PPP1R12B: variants seen among roughly 807,000 people sequenced by gnomAD.
PPP1R12B encodes myosin phosphatase target subunit 2.
A neutral mutation model predicts 126.1 loss-of-function variants in PPP1R12B; 76 were observed. The observed-to-expected ratio is 0.60, with a 90% confidence interval of 0.50 to 0.73. The LOEUF is 0.73. Ranked by LOEUF, PPP1R12B falls within the 30% of genes least tolerant of loss-of-function variation. PPP1R12B has a pLI of 0.00. For missense variants in PPP1R12B, 1,052 were observed against 1,205.1 expected, an observed-to-expected ratio of 0.87 and a Z score of 1.88; for synonymous variants, 356 against 434.7, an observed-to-expected ratio of 0.82 and a Z score of 2.25.
intron 18 of PPP1R12B, among the ~76,000 whole-genome samples, chr1:202,537,339 C>T (rs933547803): frequency 2.0e-5 from 3 of 150,652 alleles, no homozygotes; most frequent in African/African-American, 7.3e-5. Flanking sequence ...GGGCGACAGA[C>T]TGAGACTCCG....
rs1370759141 is a variant in PPP1R12B, at chr1:202,488,355, T to C, written c.1851-178T>C. On this transcript the variant is annotated intron_variant, in intron 13 of 23. Transcript: ENST00000608999. ...AAAACCACAGATAAGGGGGAACTACTGTAATGACTTGGATTCTGTAATGTT... is the reference window on the plus strand; with the variant it reads ...AAAACCACAGATAAGGGGGAACTACCGTAATGACTTGGATTCTGTAATGTT... 5.3e-5 allele frequency among the ~76,000 whole-genome samples: 8 copies of C among 152,260 alleles called. 1 individual carries two copies. The highest frequency in any genetic ancestry group is 1.2e-4 in the Non-Finnish European group (8 of 68,044).
In PPP1R12B at chr1:202,441,359, G is replaced by C. The variant is rs144726356; in HGVS notation, c.1541+571G>C. On this transcript the variant is annotated intron_variant, in intron 11 of 23. Transcript: ENST00000608999. Reference sequence around the variant, plus strand: ...TTTTCTTTAATAGAAGCAGGGTTTTGCTATGTTTCCCAGGATGGTCTCAAA... The same window carrying C: ...TTTTCTTTAATAGAAGCAGGGTTTTCCTATGTTTCCCAGGATGGTCTCAAA... Among the ~76,000 whole-genome samples, 107 of 152,114 alleles carry C rather than the reference G, an allele frequency of 7.0e-4. No individual in the cohort carries two copies. In the East Asian group the frequency reaches 0.013, roughly 18 times the overall value.
At chr1:202,388,619 T>G (rs1663564838) in intron 1 of PPP1R12B, among the ~76,000 whole-genome samples, 1 of 152,208 alleles carries the variant, frequency 6.6e-6, no homozygotes. Context: ...TTTCTTAATA[T>G]TGATCTAGTA....
intron 18 of PPP1R12B, among the ~76,000 whole-genome samples, chr1:202,533,595 G>A (rs1024940694): frequency 1.1e-4 from 17 of 151,980 alleles, no homozygotes; most frequent in Admixed American, 8.5e-4. Context: ...CTGAGATTAC[G>A]GGCATGAGCC....
intron 13 of PPP1R12B, among the ~76,000 whole-genome samples, chr1:202,482,586 GTTTTTGTT>G (rs1677534932): frequency 6.6e-6 from 1 of 152,102 alleles, no homozygotes; most frequent in South Asian, 2.1e-4. Flanking sequence ...TTAAAATCAG[GTTTTTGTT>G]TTTTTGTTTT....
intron 1 of PPP1R12B, among the ~76,000 whole-genome samples, chr1:202,415,777 A>G (rs1004508792): frequency 2.0e-5 from 3 of 152,214 alleles, no homozygotes; most frequent in Admixed American, 6.5e-5. Context: ...ATACTTTGCC[A>G]TAGTGTTTGA....
At chr1:202,441,833 T>C (rs1365394954) in intron 11 of PPP1R12B, among the ~76,000 whole-genome samples, 2 of 152,044 alleles carry the variant, frequency 1.3e-5, no homozygotes, top group Non-Finnish European at 2.9e-5. Flanking sequence ...CACGTGCTAC[T>C]AAGACTGATT....
At chr1:202,426,411 G>A (rs1202437384) in intron 4 of PPP1R12B, among the ~76,000 whole-genome samples, 6 of 152,114 alleles carry the variant, frequency 3.9e-5, no homozygotes, top group African/African-American at 1.4e-4. Context: ...CCCCAATGTG[G>A]TTTGGGTCTT....
rs889613603 is a variant in PPP1R12B at position 202,438,383 on chromosome 1, T to TC, written c.1458+365dup. The TC allele has an allele frequency of 3.1e-4, 215 of 697,552 alleles. No homozygotes were observed. In the African/African-American group the frequency reaches 3.8e-3, roughly 12 times the overall value. 43.2% of individuals were successfully genotyped at this position (697,552 alleles called of 1,614,324 possible). Reference sequence around the variant, plus strand: ...CCTGGATCCAGAGGGCCAATTCCCGTCCCCCCAGCGGCATGGCTTCGTGTG... The same window carrying TC: ...CCTGGATCCAGAGGGCCAATTCCCGTCCCCCCCAGCGGCATGGCTTCGTGTG... On this transcript the variant is annotated intron_variant, in intron 10 of 23. Transcript: ENST00000608999.
At chr1:202,515,980 GT>G (rs1682103666) in intron 18 of PPP1R12B, among the ~76,000 whole-genome samples, 2 of 152,168 alleles carry the variant, frequency 1.3e-5, no homozygotes, top group Admixed American at 1.3e-4. Flanking sequence ...CTGAAACCAA[GT>G]TTAATTCAAG....
intron 6 of PPP1R12B, among the ~76,000 whole-genome samples, chr1:202,430,330 A>G (rs1303759773): frequency 6.6e-6 from 1 of 152,110 alleles, no homozygotes; most frequent in Non-Finnish European, 1.5e-5. Context: ...ATAGCAGACC[A>G]TTTTCCCTAA....
chr1:202,386,058 C>T lies in PPP1R12B; in HGVS notation c.292-30729C>T, dbSNP rs558133902. ...ACACCATTCTCCTGCCTCAGCCTCC[C>T]TAGTAGCTGGGACTACAGGCGCCCG... On this transcript the variant is annotated intron_variant, in intron 1 of 23. Transcript: ENST00000608999. 6.5e-3 allele frequency among the ~76,000 whole-genome samples: 985 copies of T among 151,924 alleles called. 14 individuals carry two copies. The highest frequency in any genetic ancestry group is 0.01 in the Non-Finnish European group (682 of 67,944).
chr1:202,418,812 A>G (rs532400354), intron 2 of PPP1R12B, among the ~76,000 whole-genome samples: 2 of 152,036 alleles, frequency 1.3e-5, no homozygotes, highest in Non-Finnish European at 2.9e-5. Flanking sequence ...TTAATATGCA[A>G]TGGAAAAAAA....
At chr1:202,474,086 A>G (rs1676312285) in intron 13 of PPP1R12B, 2 of 458,368 alleles carry the variant, frequency 4.4e-6, no homozygotes, top group South Asian at 1.6e-5. Flanking sequence ...AGTGTGCTGT[A>G]TCTGTGGGCT....
At chr1:202,505,081 A>G (rs533468472) in intron 18 of PPP1R12B, among the ~76,000 whole-genome samples, 75 of 152,372 alleles carry the variant, frequency 4.9e-4, no homozygotes, top group African/African-American at 1.7e-3. Context: ...CAAATCTTCT[A>G]TAACTCCAAC....
In PPP1R12B at chr1:202,557,121, T is replaced by G. The variant is rs187790239; in HGVS notation, c.2491-1756T>G. ...TCCTGCCTCGGCTTTCCATGTAGCA[T>G]GGATCACAGGTGCCCACCACCATGC... On this transcript the variant is annotated intron_variant, in intron 18 of 23. Coordinates refer to ENST00000608999, the MANE Select transcript of PPP1R12B (RefSeq NM_002481.4). Among the ~76,000 whole-genome samples, 595 of 152,262 alleles carry G rather than the reference T, an allele frequency of 3.9e-3. 1 individual carries two copies. Among genetic ancestry groups the G allele is most frequent in the African/African-American group, 0.014 (569 of 41,552 alleles).
chr1:202,462,683 G>C, intron 13 of PPP1R12B: 1 of 830,516 alleles, frequency 1.2e-6, no homozygotes, highest in Non-Finnish European at 1.5e-6. Context: ...AAAATTTTCA[G>C]CCCTCATTCA....
intron 1 of PPP1R12B, among the ~76,000 whole-genome samples, chr1:202,395,095 C>CA (rs1664752284): frequency 1.2e-5 from 1 of 84,706 alleles, no homozygotes; most frequent in Non-Finnish European, 2.2e-5. Context: ...CCAGCCTGGG[C>CA]AACAAAGTGA....
intron 22 of PPP1R12B, among the ~76,000 whole-genome samples, chr1:202,568,383 G>A (rs1222478117): frequency 6.6e-6 from 1 of 152,080 alleles, no homozygotes; most frequent in Non-Finnish European, 1.5e-5. Flanking sequence ...TATTATTCTG[G>A]GATTTTACAT....
Sources: allele counts gnomAD v4.1 joint callset (sites outside exome capture counted in the v4.1 genomes callset), GRCh38; gene constraint gnomAD v4.1.1; transcripts MANE v1.5; gene names NCBI Gene and HGNC (gene_info 2026-07-23, HGNC 2026-07-21).